Variants in FDFT1 observed in about 807,000 individuals in gnomAD.
FDFT1 encodes squalene synthase.
FDFT1 carries 68 observed loss-of-function variants against 46.8 expected under a neutral mutation model. The ratio of observed to expected loss-of-function variants is 1.45; its 90% confidence interval spans 1.19 to 1.78. FDFT1 has a LOEUF of 1.78. Ranked by LOEUF, FDFT1 falls within the 40% of genes most tolerant of loss-of-function variation. FDFT1 has a pLI of 0.00. For missense variants in FDFT1, 928 were observed against 524.4 expected (o/e 1.77, Z -7.52); for synonymous variants, 351 against 185.1 (o/e 1.90, Z -7.28).
At chr8:11,832,907 C>T (rs532145862) in intron 7 of FDFT1, among the ~76,000 whole-genome samples, 5 of 152,268 alleles carry the variant, frequency 3.3e-5, no homozygotes, top group Admixed American at 6.5e-5. Context: ...TCCGTCTAGT[C>T]CCCCTGTTAC....
At chr8:11,813,947 T>C (rs889297976) in intron 3 of FDFT1, among the ~76,000 whole-genome samples, 2 of 152,240 alleles carry the variant, frequency 1.3e-5, no homozygotes, top group African/African-American at 4.8e-5. Context: ...CCCTTCATTG[T>C]CACTTTCTCC....
chr8:11,819,969 C>T (rs1808995270), intron 3 of FDFT1, among the ~76,000 whole-genome samples: 1 of 152,092 alleles, frequency 6.6e-6, no homozygotes, highest in African/African-American at 2.4e-5. Flanking sequence ...TGGTTTCTCC[C>T]CATCTTTGTG....
intron 5 of FDFT1, among the ~76,000 whole-genome samples, chr8:11,828,820 G>A (rs969154119): frequency 2.6e-5 from 4 of 152,230 alleles, no homozygotes; most frequent in African/African-American, 4.8e-5. Flanking sequence ...GCTCCTCCAT[G>A]CTGGGGCATT....
chr8:11,822,462 C>T (rs1809394262), intron 4 of FDFT1, among the ~76,000 whole-genome samples: 1 of 152,166 alleles, frequency 6.6e-6, no homozygotes, highest in South Asian at 2.1e-4. Flanking sequence ...TTTGGAACTG[C>T]TGATTTGTGC....
upstream of FDFT1, among the ~76,000 whole-genome samples, chr8:11,798,587 G>T (rs755605437): frequency 6.6e-6 from 1 of 152,252 alleles, no homozygotes; most frequent in Non-Finnish European, 1.5e-5. Flanking sequence ...CCTGGATTTT[G>T]TGATTACAAA....
At chr8:11,820,252 C>CT (rs1809034745) in intron 3 of FDFT1, among the ~76,000 whole-genome samples, 1 of 152,152 alleles carries the variant, frequency 6.6e-6, no homozygotes, top group Non-Finnish European at 1.5e-5. Flanking sequence ...TATGAGGTGT[C>CT]TGTCGGCCCC....
At chr8:11,808,610 A>C (rs1807227562) in intron 1 of FDFT1, 184 bp from the exon 2 acceptor site, 2 of 1,390,064 alleles carry the variant, frequency 1.4e-6, no homozygotes, top group African/African-American at 1.5e-5. Context: ...GCCCGGGCGC[A>C]GGCACCGCCC....
chr8:11,815,455 A>G (rs1429555592), intron 3 of FDFT1, among the ~76,000 whole-genome samples: 1 of 152,224 alleles, frequency 6.6e-6, no homozygotes. Flanking sequence ...ACTGTCTTCC[A>G]CAATGGTTGA....
chr8:11,838,505 C>T lies in FDFT1; in HGVS notation c.1150C>T (p.Pro384Ser). The T allele has an allele frequency of 6.2e-7, 1 of 1,608,252 alleles. No homozygotes were observed. Among genetic ancestry groups the T allele is most frequent in the South Asian group, 1.1e-5 (1 of 90,316 alleles). ...CQLISRSHYS[P>S]IYLSFVMLLA... Reference sequence around the variant, plus strand: ...GCTGATTTCCCGAAGCCACTACTCCCCCATCTACCTGTCGTTTGTCATGCT... The same window carrying T: ...GCTGATTTCCCGAAGCCACTACTCCTCCATCTACCTGTCGTTTGTCATGCT... Residue 384 changes from proline (P) to serine (S), a missense_variant, in exon 8 of 8, where the codon CCC (proline) becomes TCC (serine). By Grantham distance (74) the Pro-to-Ser change is moderately conservative. Coordinates refer to ENST00000220584, the MANE Select transcript of FDFT1 (RefSeq NM_004462.5).
intron 3 of FDFT1, among the ~76,000 whole-genome samples, chr8:11,810,584 TTG>T (rs1563305047): frequency 7.2e-5 from 11 of 152,176 alleles, no homozygotes; most frequent in African/African-American, 2.4e-4. Flanking sequence ...TTGGTCTATT[TTG>T]TTGGAGTAAA....
intron 3 of FDFT1, among the ~76,000 whole-genome samples, chr8:11,814,204 C>T (rs1402260302): frequency 1.3e-5 from 2 of 151,942 alleles, no homozygotes; most frequent in African/African-American, 4.8e-5. Flanking sequence ...TTGTTTCAGC[C>T]ACAAGAAGGA....
chr8:11,836,601 T>C (rs547087044), intron 7 of FDFT1, among the ~76,000 whole-genome samples: 1 of 152,380 alleles, frequency 6.6e-6, no homozygotes, highest in East Asian at 1.9e-4. Context: ...TCCAAATAAA[T>C]GGCTGCATGC....
intron 3 of FDFT1, among the ~76,000 whole-genome samples, chr8:11,810,159 G>A (rs935031314): frequency 3.9e-5 from 6 of 152,156 alleles, no homozygotes; most frequent in African/African-American, 1.2e-4. Context: ...AATTAACGTA[G>A]GTAATGCTCT....
chr8:11,798,767 A>G (rs1805817214), upstream of FDFT1, among the ~76,000 whole-genome samples: 2 of 152,374 alleles, frequency 1.3e-5, no homozygotes, highest in East Asian at 1.9e-4. Context: ...TTGAGCCAGT[A>G]TGTGCTGGGC....
chr8:11,798,851 G>C (rs749908077), upstream of FDFT1, among the ~76,000 whole-genome samples: 3 of 152,166 alleles, frequency 2.0e-5, no homozygotes, highest in African/African-American at 4.8e-5. Flanking sequence ...GATTTCTAGT[G>C]TTGACTTAAA....
upstream of FDFT1, chr8:11,801,752 G>T: frequency 2.9e-6 from 1 of 350,544 alleles, no homozygotes; most frequent in Non-Finnish European, 5.6e-6. Flanking sequence ...GGAGTGCAGC[G>T]GTGTCATCTT....
chr8:11,798,764 A>C (rs979734533), upstream of FDFT1, among the ~76,000 whole-genome samples: 2 of 152,262 alleles, frequency 1.3e-5, no homozygotes, highest in African/African-American at 4.8e-5. Flanking sequence ...TCATTGAGCC[A>C]GTATGTGCTG....
At chr8:11,796,979 T>G (rs2088347) in intron 1 of FDFT1, among the ~76,000 whole-genome samples, 1 of 152,252 alleles carries the variant, frequency 6.6e-6, no homozygotes, top group Non-Finnish European at 1.5e-5. Context: ...CAGATCTATA[T>G]CTACTTTTAA....
upstream of FDFT1, among the ~76,000 whole-genome samples, chr8:11,798,851 GTTGACTTA>G (rs1805823688): frequency 6.6e-6 from 1 of 152,166 alleles, no homozygotes. Context: ...GATTTCTAGT[GTTGACTTA>G]AAAAATATGA....
Sources: allele counts gnomAD v4.1 joint callset (sites outside exome capture counted in the v4.1 genomes callset), GRCh38; gene constraint gnomAD v4.1.1; transcripts MANE v1.5; gene names NCBI Gene and HGNC (gene_info 2026-07-23, HGNC 2026-07-21).